Variants in SLC36A1 observed in about 807,000 individuals in gnomAD.
The protein encoded by SLC36A1 is proton-coupled amino acid transporter 1.
A neutral mutation model predicts 47.5 loss-of-function variants in SLC36A1; 30 were observed. The ratio of observed to expected loss-of-function variants is 0.63; its 90% CI spans 0.47 to 0.86. SLC36A1 has a LOEUF of 0.86. Among genes scored for constraint, SLC36A1 ranks in the 40% least tolerant of loss-of-function variants. SLC36A1 has a pLI of 0.00. For synonymous variants in SLC36A1, 255 were observed against 249.7 expected, an observed-to-expected ratio of 1.02 and a Z score of -0.20; for missense variants, 517 against 606.0, an observed-to-expected ratio of 0.85 and a Z score of 1.54.
the SLC36A1 span, chr5:151,545,919 T>G: frequency 4.2e-5 from 67 of 1,614,208 alleles, no homozygotes; most frequent in East Asian, 4.0e-4. Context: ...TAAATGCACC[T>G]GCCATATTGC....
At chr5:151,459,999 T>G (rs1298565111) in intron 2 of SLC36A1, 3 of 152,260 alleles carry the variant, frequency 2.0e-5, no homozygotes, top group African/African-American at 7.2e-5. Context: ...AGATTCTGTT[T>G]CTGTAGCTTA....
chr5:151,392,238 G>T, the SLC36A1 span, among the ~76,000 whole-genome samples: 75,485 of 151,934 alleles, frequency 0.5, 20,732 homozygotes, highest in African/African-American at 0.75. Flanking sequence ...CTGTGGGATT[G>T]GTGGTGATAT....
intron 10 of SLC36A1, 97 bp from the exon 11 acceptor site, chr5:151,487,886 C>T: frequency 1.4e-6 from 2 of 1,418,970 alleles, no homozygotes; most frequent in South Asian, 2.6e-5. Context: ...GCTCTCAATC[C>T]TATAAGATGG....
chr5:151,543,028 G>A, the SLC36A1 span: 259 of 1,614,190 alleles, frequency 1.6e-4, 3 homozygotes, highest in African/African-American at 2.8e-3. Flanking sequence ...GTCTTCAGGT[G>A]CAGAGAAAGT....
chr5:151,382,156 T>G, the SLC36A1 span: 361,472 of 941,724 alleles, frequency 0.38, 75,289 homozygotes, highest in African/African-American at 0.67. Flanking sequence ...GACTCTGAAT[T>G]GAAGGCTTTG....
upstream of SLC36A1, among the ~76,000 whole-genome samples, chr5:151,444,364 A>T (rs1000054441): frequency 6.6e-6 from 1 of 152,078 alleles, no homozygotes; most frequent in Non-Finnish European, 1.5e-5. Context: ...TATAGTTTTC[A>T]GTGTACACCC....
chr5:151,401,507 G>T, the SLC36A1 span, among the ~76,000 whole-genome samples: 9 of 152,084 alleles, frequency 5.9e-5, 1 homozygote, highest in South Asian at 1.9e-3. Context: ...TGGCTACTTG[G>T]GCTCTTTTTT....
At chr5:151,512,403 C>A in the SLC36A1 span, 3 of 1,614,236 alleles carry the variant, frequency 1.9e-6, no homozygotes, top group Non-Finnish European at 2.5e-6. The surrounding 1 kb of genome is among the most constrained non-coding windows in gnomAD (Gnocchi z 4.1). Flanking sequence ...GCAAGAGGTG[C>A]CTTTCGGGCC....
chr5:151,460,667 C>G (rs1350646441), intron 2 of SLC36A1, among the ~76,000 whole-genome samples: 1 of 151,798 alleles, frequency 6.6e-6, no homozygotes, highest in Non-Finnish European at 1.5e-5. Context: ...GGCATAGGAT[C>G]CACGCAAGGA....
the SLC36A1 span, among the ~76,000 whole-genome samples, chr5:151,500,293 G>A: frequency 6.6e-6 from 1 of 152,236 alleles, no homozygotes; most frequent in Admixed American, 6.5e-5. Context: ...CATAAATTAG[G>A]GGTCCCTCAG....
chr5:151,368,670 A>G, the SLC36A1 span, among the ~76,000 whole-genome samples: 51,941 of 152,042 alleles, frequency 0.34, 13,130 homozygotes, highest in African/African-American at 0.71. Flanking sequence ...CTTTTACAAT[A>G]GATTTCTCCT....
In SLC36A1 at chr5:151,447,658, A is replaced by T. The variant is rs1753022391; in HGVS notation, c.-161A>T. The T allele has an allele frequency of 6.5e-6, 1 of 152,768 alleles. No individual in the cohort carries two copies. The highest frequency in any genetic ancestry group is 2.4e-5 in the African/African-American group (1 of 41,472). The allele number at this position is 152,768 out of a possible 1,614,324, so 9.5% of individuals were successfully genotyped here. On this transcript the variant is annotated 5_prime_UTR_variant, in exon 1 of 11. Transcript: ENST00000243389. ...GGAGGATGGCGAGGGGCTGATACTG[A>T]ACCCGGGAAGGGTGGGCTGTGCTGA...
the SLC36A1 span, among the ~76,000 whole-genome samples, chr5:151,534,139 A>G: frequency 1.3e-5 from 2 of 152,240 alleles, no homozygotes; most frequent in Non-Finnish European, 2.9e-5. Flanking sequence ...GTTAAATGGC[A>G]GTATTGAAAA....
At chr5:151,356,878 G>T in the SLC36A1 span, among the ~76,000 whole-genome samples, 5,909 of 152,090 alleles carry the variant, frequency 0.039, 339 homozygotes, top group African/African-American at 0.13. Context: ...TCCTTATTGT[G>T]GATCAATAAG....
chr5:151,463,774 C>A, intron 3 of SLC36A1, 131 bp downstream of exon 3: 2 of 712,954 alleles, frequency 2.8e-6, no homozygotes, highest in Admixed American at 2.4e-5. Context: ...TGACAAAAAG[C>A]GGAATTCAGA....
At chr5:151,506,151 GC>G in the SLC36A1 span, 6 of 1,487,734 alleles carry the variant, frequency 4.0e-6, no homozygotes, top group African/African-American at 8.4e-5. Context: ...GAAGGTTTCA[GC>G]TGGCTCTATA....
the SLC36A1 span, chr5:151,380,451 A>T: frequency 2.3e-6 from 1 of 436,314 alleles, no homozygotes; most frequent in African/African-American, 2.0e-5. Flanking sequence ...GTAGCTCAAG[A>T]CCTAGCTAGA....
At chr5:151,495,822 T>C (rs1581246579), downstream of SLC36A1, among the ~76,000 whole-genome samples, 1 of 152,232 alleles carries the variant, frequency 6.6e-6, no homozygotes, top group Non-Finnish European at 1.5e-5. Context: ...TATAATTTCC[T>C]TGATGTTCAT....
chr5:151,395,165 A>C, the SLC36A1 span, among the ~76,000 whole-genome samples: 2 of 152,204 alleles, frequency 1.3e-5, no homozygotes, highest in Non-Finnish European at 1.5e-5. Flanking sequence ...CTGCTGTGCT[A>C]GCAATGAGTG....
Sources: gnomAD v4.1 joint callset for allele counts (sites outside exome capture counted in the v4.1 genomes callset) on GRCh38, gnomAD v4.1.1 for gene constraint, Gnocchi (gnomAD v3.1) non-coding constraint, MANE v1.5 for transcripts, NCBI Gene and HGNC (gene_info 2026-07-23, HGNC 2026-07-21) for gene names.